The following PTPRK variants were observed in gnomAD, a reference collection of about 807,000 sequenced individuals.
PTPRK encodes receptor-type tyrosine-protein phosphatase kappa.
In PTPRK, 75 loss-of-function variants were observed where a neutral mutation model predicts 178.0. The observed-to-expected ratio is 0.42, with a 90% confidence interval of 0.35 to 0.51. The LOEUF (loss-of-function observed/expected upper bound fraction) is 0.51. Among genes scored for constraint, PTPRK ranks in the 20% least tolerant of loss-of-function variants. The pLI, the probability that PTPRK is intolerant of heterozygous loss-of-function variation, is 0.02. For missense variants in PTPRK, 1,441 were observed against 1,797.8 expected, an observed-to-expected ratio of 0.80 and a Z score of 3.59; for synonymous variants, 637 against 620.6, an observed-to-expected ratio of 1.03 and a Z score of -0.39.
intron 4 of PTPRK, among the ~76,000 whole-genome samples, chr6:128,241,825 A>C (rs1174947617): frequency 7.1e-6 from 1 of 140,548 alleles, no homozygotes; most frequent in African/African-American, 2.7e-5. Context: ...GTGGTTGCCC[A>C]GGCTGGAGTG....
At chr6:128,307,690 T>C (rs569693819) in intron 3 of PTPRK, among the ~76,000 whole-genome samples, 7 of 152,070 alleles carry the variant, frequency 4.6e-5, no homozygotes, top group African/African-American at 1.7e-4. Context: ...GAAACACAAA[T>C]ATCAGATATT....
intron 3 of PTPRK, among the ~76,000 whole-genome samples, chr6:128,290,616 TCTC>T (rs1823228465): frequency 6.6e-6 from 1 of 151,790 alleles, no homozygotes; most frequent in East Asian, 1.9e-4. Context: ...AGGGGCCAGT[TCTC>T]TAGGATAGAG....
At chr6:128,084,044 GAAATGCAAAGTTATTTTTATTCAAA>G (rs1329071283) in intron 8 of PTPRK, among the ~76,000 whole-genome samples, 1 of 152,112 alleles carries the variant, frequency 6.6e-6, no homozygotes, top group Non-Finnish European at 1.5e-5. Flanking sequence ...AGAAAATGTA[GAAATGCAAAGTTATTTTTATTCAAA>G]AGAATATTCT....
At chr6:128,236,022 T>A (rs959778090) in intron 5 of PTPRK, among the ~76,000 whole-genome samples, 35 of 152,138 alleles carry the variant, frequency 2.3e-4, no homozygotes, top group African/African-American at 7.5e-4. Context: ...GTGTCTAATT[T>A]ATTAATTAAA....
At chr6:128,047,256 G>T (rs1481776408) in intron 13 of PTPRK, among the ~76,000 whole-genome samples, 1 of 152,170 alleles carries the variant, frequency 6.6e-6, no homozygotes, top group Non-Finnish European at 1.5e-5. Flanking sequence ...TGAAGTCAAA[G>T]ATTTTTAGAG....
chr6:128,112,387 A>C (rs544184865), intron 7 of PTPRK, among the ~76,000 whole-genome samples: 2 of 152,232 alleles, frequency 1.3e-5, no homozygotes, highest in East Asian at 3.9e-4. Context: ...GAAAGACATT[A>C]AAAAGAAAAA....
In PTPRK at chr6:128,327,644, C is replaced by A. The variant is rs533467537; in HGVS notation, c.224-5334G>T. Among the ~76,000 whole-genome samples the A allele has an allele frequency of 5.3e-5, 8 of 152,240 alleles. No homozygotes were observed. In the South Asian group the frequency reaches 1.7e-3, roughly 32 times the overall value. On this transcript the variant is annotated intron_variant, in intron 2 of 29. Coordinates refer to ENST00000368226, the MANE Select transcript of PTPRK (RefSeq NM_002844.4). The stretch of plus-strand genomic sequence containing the variant: ...ATTTACTGGGATATCTCTTGTCAAC[C>A]TCAGAAGGGTAATTTTGTTCTCTTA...
At chr6:128,136,788 C>T (rs1031464587) in intron 7 of PTPRK, among the ~76,000 whole-genome samples, 2 of 152,162 alleles carry the variant, frequency 1.3e-5, no homozygotes, top group East Asian at 3.9e-4. Flanking sequence ...AAAGAAAATG[C>T]ATTCTTCACT....
intron 1 of PTPRK, among the ~76,000 whole-genome samples, chr6:128,510,147 C>T (rs1451949193): frequency 6.6e-6 from 1 of 152,190 alleles, no homozygotes; most frequent in Admixed American, 6.5e-5. Flanking sequence ...AGTAAACCTT[C>T]CTCCTCAACC....
chr6:128,469,720 T>G (rs1850358820), intron 1 of PTPRK, among the ~76,000 whole-genome samples: 1 of 152,118 alleles, frequency 6.6e-6, no homozygotes, highest in Admixed American at 6.6e-5. Context: ...AGGTTGATAA[T>G]CAGCTGACGT....
intron 3 of PTPRK, among the ~76,000 whole-genome samples, chr6:128,243,799 A>G (rs757927796): frequency 6.6e-6 from 1 of 152,252 alleles, no homozygotes; most frequent in Non-Finnish European, 1.5e-5. Flanking sequence ...ATGGGGATAC[A>G]TACATTATTT....
At chr6:128,489,366 A>C (rs1436008161) in intron 1 of PTPRK, among the ~76,000 whole-genome samples, 1 of 152,226 alleles carries the variant, frequency 6.6e-6, no homozygotes, top group East Asian at 1.9e-4. Context: ...AGTAAAGCTC[A>C]ATGCATTCTC....
rs1190571708 is a variant in PTPRK at position 128,434,856 on chromosome 6, C to G, written c.101-37168G>C. 2.7e-5 allele frequency among the ~76,000 whole-genome samples: 4 copies of G among 150,566 alleles called. No individual in the cohort carries two copies. In the East Asian group the frequency reaches 7.8e-4, roughly 29 times the overall value. On this transcript the variant is annotated intron_variant, in intron 1 of 29. Transcript: ENST00000368226. ...GCAAAATAGCAAGAATCTGTCTCTA[C>G]AAAAAAATAAGAAAAAAAAAAGTTG...
chr6:128,506,541 TC>T (rs1856373442), intron 1 of PTPRK, among the ~76,000 whole-genome samples: 1 of 151,112 alleles, frequency 6.6e-6, no homozygotes, highest in Non-Finnish European at 1.5e-5. Context: ...ACACCTGTGG[TC>T]CCAGCAACTC....
At chr6:128,391,354 A>G (rs1281797457) in intron 2 of PTPRK, among the ~76,000 whole-genome samples, 2 of 152,016 alleles carry the variant, frequency 1.3e-5, no homozygotes, top group Non-Finnish European at 2.9e-5. Context: ...GTTCACACAC[A>G]CTCTCTTTGG....
chr6:128,242,548 CA>C lies in PTPRK; in HGVS notation c.549del (p.Asp183GlufsTer6). The C allele has an allele frequency of 6.2e-7, 1 of 1,613,058 alleles. No individual in the cohort carries two copies. Among genetic ancestry groups the C allele is most frequent in the Non-Finnish European group, 8.5e-7 (1 of 1,179,588 alleles). On this transcript the variant is annotated frameshift_variant, in exon 4 of 30. Transcript: ENST00000368226. LOFTEE classifies it high-confidence loss of function. ...CAAGGATAACTCAGTACTTGGATGT[CA>C]TCAATGGCAATATAACCACTTCTCC... ...SGGRSGYIAIDDIQVLSYPCD... is the reference protein window; with the variant it reads ...SGGRSGYIAIXDIQVLSYPCD...
chr6:128,483,982 C>T (rs1243166461), intron 1 of PTPRK, among the ~76,000 whole-genome samples: 1 of 152,004 alleles, frequency 6.6e-6, no homozygotes, highest in Non-Finnish European at 1.5e-5. Flanking sequence ...CATTTCCTTT[C>T]CCATGTATTT....
Position 127,977,709 on chromosome 6 carries a change from A to C in PTPRK, c.3712-655T>G, listed in dbSNP as rs1337651053. ...ACAGTCTCAACCATTTAAGATCCTG[A>C]AGCACCAAAGCATAACAGCAATATA... On this transcript the variant is annotated intron_variant, in intron 25 of 29. Transcript: ENST00000368226. Among the ~76,000 whole-genome samples the C allele has an allele frequency of 3.3e-5, 5 of 152,320 alleles. No homozygotes were observed. The East Asian group carries it at 9.6e-4, about 29-fold the overall frequency.
At chr6:128,424,997 A>G (rs533666754) in intron 1 of PTPRK, among the ~76,000 whole-genome samples, 72 of 150,916 alleles carry the variant, frequency 4.8e-4, no homozygotes, top group African/African-American at 1.6e-3. Flanking sequence ...GTTTGATTAC[A>G]TGAATAAGTT....
Sources: allele counts gnomAD v4.1 joint callset (sites outside exome capture counted in the v4.1 genomes callset), GRCh38; gene constraint gnomAD v4.1.1; transcripts MANE v1.5; gene names NCBI Gene and HGNC (gene_info 2026-07-23, HGNC 2026-07-21).